Variants in CBFA2T3 observed in about 807,000 individuals in gnomAD.
CBFA2T3 encodes transcriptional corepressor CBFA2T3.
Under a neutral mutation model 58.6 loss-of-function variants are expected in CBFA2T3, and 31 were observed. The observed-to-expected ratio is 0.53, with a 90% CI of 0.40 to 0.71. The LOEUF is 0.71. Among genes scored for constraint, CBFA2T3 ranks in the 30% least tolerant of loss-of-function variants. CBFA2T3 has a pLI of 0.00. For missense variants in CBFA2T3, 1,076 were observed against 963.1 expected (o/e 1.12, Z -1.55); for synonymous variants, 531 against 421.9 (o/e 1.26, Z -3.17).
At chr16:88,959,765 C>T (rs1356916572) in intron 1 of CBFA2T3, among the ~76,000 whole-genome samples, 1 of 152,154 alleles carries the variant, frequency 6.6e-6, no homozygotes, top group African/African-American at 2.4e-5. Flanking sequence ...GATCATTAAG[C>T]CTGTCATCCC....
intron 1 of CBFA2T3, among the ~76,000 whole-genome samples, chr16:88,966,843 C>T (rs903957130): frequency 1.3e-5 from 2 of 152,172 alleles, no homozygotes; most frequent in East Asian, 3.9e-4. Flanking sequence ...ACTGCTGCCC[C>T]TCAGAGACCA....
At position 88,897,484 on chromosome 16, in the gene CBFA2T3, C is replaced by T. The variant is rs149364302; in HGVS notation, c.379+594G>A. Reference sequence around the variant, plus strand: ...TAAGAGCCCATGCTCCCTGAACGCCCGCCATGGGCCACGCACGTTGACAGA... The same window carrying T: ...TAAGAGCCCATGCTCCCTGAACGCCTGCCATGGGCCACGCACGTTGACAGA... On this transcript the variant is annotated intron_variant, in intron 3 of 11. Transcript: ENST00000268679. Among the ~76,000 whole-genome samples the T allele has an allele frequency of 2.7e-3, 412 of 152,360 alleles. 1 individual carries two copies. Among genetic ancestry groups the T allele is most frequent in the African/African-American group, 9.5e-3 (393 of 41,580 alleles).
At chr16:88,890,326 C>G (rs1029813457) in intron 5 of CBFA2T3, among the ~76,000 whole-genome samples, 1 of 152,230 alleles carries the variant, frequency 6.6e-6, no homozygotes, top group Non-Finnish European at 1.5e-5. Context: ...CAGGGGCCAA[C>G]AGCTGCTAAG....
chr16:88,917,243 C>T (rs2142725289), intron 1 of CBFA2T3, among the ~76,000 whole-genome samples: 1 of 152,300 alleles, frequency 6.6e-6, no homozygotes, highest in South Asian at 2.1e-4. Flanking sequence ...GAAAGTCCCA[C>T]AGACAACCCC....
In CBFA2T3 at chr16:88,913,303, C is replaced by T. The variant is rs187102648; in HGVS notation, c.152-11647G>A. ...GAGCTGGACTGACCGTGGCTGACCA[C>T]GGACCAGCCAGCAAACCCAGCCACG... On this transcript the variant is annotated intron_variant, in intron 1 of 11. Transcript: ENST00000268679. 6.5e-3 allele frequency among the ~76,000 whole-genome samples: 991 copies of T among 152,362 alleles called. 13 individuals carry two copies. Among genetic ancestry groups the T allele is most frequent in the African/African-American group, 0.023 (941 of 41,578 alleles).
At chr16:88,922,643 G>A (rs757975787) in intron 1 of CBFA2T3, among the ~76,000 whole-genome samples, 9 of 152,214 alleles carry the variant, frequency 5.9e-5, no homozygotes, top group South Asian at 2.1e-4. Flanking sequence ...ACCAATGCCC[G>A]GGACAGCAGC....
At chr16:88,884,168 A>C (rs886503713) in intron 7 of CBFA2T3, 1 of 152,304 alleles carries the variant, frequency 6.6e-6, no homozygotes, top group Non-Finnish European at 1.5e-5. Flanking sequence ...ACCCGGCTGC[A>C]GCATGCCAGA....
intron 1 of CBFA2T3, among the ~76,000 whole-genome samples, chr16:88,935,914 G>T (rs546374991): frequency 6.6e-6 from 1 of 152,322 alleles, no homozygotes; most frequent in East Asian, 1.9e-4. Context: ...ATGTGGTGTA[G>T]GTCACGCAGC....
chr16:88,907,531 C>T (rs1453259947), intron 1 of CBFA2T3, among the ~76,000 whole-genome samples: 1 of 149,692 alleles, frequency 6.7e-6, no homozygotes, highest in African/African-American at 2.5e-5. Context: ...TTCCGCGGCC[C>T]TGAGATCCTG....
At chr16:88,908,382 C>T (rs535763615) in intron 1 of CBFA2T3, among the ~76,000 whole-genome samples, 1 of 152,126 alleles carries the variant, frequency 6.6e-6, no homozygotes, top group Non-Finnish European at 1.5e-5. Flanking sequence ...ATTCCCAGAC[C>T]CTGGAGGCCG....
At chr16:88,966,455 GCCACACCCTCATCCCACCTGGGGTGACCA>G (rs149642843) in intron 1 of CBFA2T3, among the ~76,000 whole-genome samples, 18,222 of 152,058 alleles carry the variant, frequency 0.12, 2,097 homozygotes, top group African/African-American at 0.3. Flanking sequence ...TACCTCCCCT[GCCACACCCTCATCCCACCTGGGGTGACCA>G]CCAAACCCAT....
At chr16:88,972,008 G>A (rs1200156893) in intron 1 of CBFA2T3, among the ~76,000 whole-genome samples, 1 of 152,212 alleles carries the variant, frequency 6.6e-6, no homozygotes, top group South Asian at 2.1e-4. Context: ...CCCCCATGGG[G>A]CCACTTCCTC....
At chr16:88,938,187 T>C (rs1971571671) in intron 1 of CBFA2T3, 1 of 152,246 alleles carries the variant, frequency 6.6e-6, no homozygotes, top group African/African-American at 2.4e-5. Flanking sequence ...TGTATCCAGG[T>C]GAGGGCTTTT....
intron 9 of CBFA2T3, 79 bp from the exon 10 acceptor site, chr16:88,880,867 G>A (rs1006242349): frequency 2.9e-5 from 38 of 1,326,142 alleles, no homozygotes; most frequent in Admixed American, 4.0e-5. Flanking sequence ...ACCCTGGCTG[G>A]GCCCTGAGTG....
intron 5 of CBFA2T3, among the ~76,000 whole-genome samples, chr16:88,889,550 C>G (rs1035662137): frequency 6.6e-6 from 1 of 151,908 alleles, no homozygotes; most frequent in Non-Finnish European, 1.5e-5. Flanking sequence ...AGGTTTGAGC[C>G]CTGGCGCCCT....
Position 88,958,337 on chromosome 16 carries a change from G to A in CBFA2T3, c.151+18320C>T, listed in dbSNP as rs374105225. On this transcript the variant is annotated intron_variant, in intron 1 of 11. Coordinates refer to ENST00000268679, the MANE Select transcript of CBFA2T3 (RefSeq NM_005187.6). This position sits in a 1 kb window ranked among gnomAD's most constrained non-coding sequence, Gnocchi z 4.0. Reference sequence around the variant, plus strand: ...AGCTTCAAGAGCCCAAAGCTCCCAGGGAGAAGTTGAGGTTGATGTGGTCAC... The same window carrying A: ...AGCTTCAAGAGCCCAAAGCTCCCAGAGAGAAGTTGAGGTTGATGTGGTCAC... 6.6e-6 allele frequency among the ~76,000 whole-genome samples: 1 copy of A among 152,126 alleles called. No homozygotes were observed. Among genetic ancestry groups the A allele is most frequent in the East Asian group, 1.9e-4 (1 of 5,184 alleles).
At chr16:88,906,636 G>A (rs540068753) in intron 1 of CBFA2T3, among the ~76,000 whole-genome samples, 1 of 152,196 alleles carries the variant, frequency 6.6e-6, no homozygotes, top group Non-Finnish European at 1.5e-5. Flanking sequence ...GGCAGGAAGG[G>A]CTAATGTCAC....
chr16:88,885,315 A>G lies in CBFA2T3; in HGVS notation c.894-46T>C, dbSNP rs747925300. 2.5e-5 allele frequency: 35 copies of G among 1,377,478 alleles called. No homozygotes were observed. In the Admixed American group the frequency reaches 8.6e-4, roughly 34 times the overall value. 85.3% of individuals were successfully genotyped at this position (1,377,478 alleles called of 1,614,324 possible). ...GGCGAGGGCAGTGGACATAGGATGA[A>G]CCGGGGACAGAGGTGCAGGTGGGGT... On this transcript the variant is annotated intron_variant, in intron 6 of 11. Transcript: ENST00000268679. This position sits in a 1 kb window ranked among gnomAD's most constrained non-coding sequence, Gnocchi z 5.3.
chr16:88,907,826 C>T (rs770363611), intron 1 of CBFA2T3, among the ~76,000 whole-genome samples: 4 of 152,270 alleles, frequency 2.6e-5, no homozygotes, highest in Non-Finnish European at 5.9e-5. Flanking sequence ...CCTTCCCACC[C>T]TCGATGGCTC....
Sources: allele counts gnomAD v4.1 joint callset (sites outside exome capture counted in the v4.1 genomes callset), GRCh38; gene constraint gnomAD v4.1.1; non-coding constraint Gnocchi (gnomAD v3.1); transcripts MANE v1.5; gene names NCBI Gene and HGNC (gene_info 2026-07-23, HGNC 2026-07-21).